Variants in MTUS1 observed in about 807,000 individuals in gnomAD.
The protein encoded by MTUS1 is microtubule-associated tumor suppressor 1.
A neutral mutation model predicts 120.8 loss-of-function variants in MTUS1; 109 were observed. That is an observed-to-expected ratio of 0.90 (90% CI 0.77 to 1.06). MTUS1 has a LOEUF of 1.06. Ranked by LOEUF, MTUS1 falls within the 50% of genes least tolerant of loss-of-function variation. The pLI is 0.00. For synonymous variants in MTUS1, 737 were observed against 550.5 expected, an observed-to-expected ratio of 1.34 and a Z score of -4.74; for missense variants, 2,210 against 1,486.3, an observed-to-expected ratio of 1.49 and a Z score of -8.01.
intron 1 of MTUS1, among the ~76,000 whole-genome samples, chr8:17,796,593 A>C (rs1251056359): frequency 6.6e-6 from 1 of 152,198 alleles, no homozygotes; most frequent in Non-Finnish European, 1.5e-5. Flanking sequence ...TTATGTATCC[A>C]CATGGCAAAG....
intron 1 of MTUS1, among the ~76,000 whole-genome samples, chr8:17,792,352 A>G (rs559942404): frequency 6.6e-6 from 1 of 152,330 alleles, no homozygotes; most frequent in South Asian, 2.1e-4. Context: ...ATATATCTAC[A>G]AGGTTATACA....
intron 1 of MTUS1, among the ~76,000 whole-genome samples, chr8:17,760,056 C>CTT (rs58249092): frequency 1.9e-3 from 180 of 95,468 alleles, no homozygotes; most frequent in African/African-American, 3.3e-3. Context: ...GATTTCTTTT[C>CTT]TTTTTTTTTT....
intron 1 of MTUS1, among the ~76,000 whole-genome samples, chr8:17,759,747 T>C (rs529764940): frequency 6.6e-6 from 1 of 151,286 alleles, no homozygotes; most frequent in East Asian, 1.9e-4. Context: ...CATGTCATTA[T>C]ACTATAAAAA....
At chr8:17,720,004 G>A (rs1585936647) in intron 4 of MTUS1, among the ~76,000 whole-genome samples, 1 of 146,882 alleles carries the variant, frequency 6.8e-6, no homozygotes, top group African/African-American at 2.5e-5. Flanking sequence ...GGAGGCTGGA[G>A]GCTAAGAAAA....
intron 7 of MTUS1, chr8:17,675,977 C>T: frequency 2.7e-6 from 1 of 377,262 alleles, no homozygotes; most frequent in East Asian, 5.0e-5. Context: ...CACACATACA[C>T]ACATACTTAC....
At chr8:17,745,750 T>C (rs530145251) in intron 2 of MTUS1, among the ~76,000 whole-genome samples, 3 of 152,358 alleles carry the variant, frequency 2.0e-5, no homozygotes, top group African/African-American at 7.2e-5. Context: ...AGCTCTTTCC[T>C]GGTTTTCCTT....
intron 6 of MTUS1, among the ~76,000 whole-genome samples, chr8:17,690,866 AAT>A (rs1215114191): frequency 2.0e-5 from 3 of 152,196 alleles, no homozygotes; most frequent in African/African-American, 4.8e-5. Context: ...TAAATACAGA[AAT>A]ATGATATTCA....
At chr8:17,651,119 G>A (rs1476351752) in intron 12 of MTUS1, among the ~76,000 whole-genome samples, 1 of 152,136 alleles carries the variant, frequency 6.6e-6, no homozygotes, top group Non-Finnish European at 1.5e-5. Context: ...GTCAGGGCAG[G>A]GACTAATACA....
At chr8:17,703,160 G>A (rs375385446) in intron 6 of MTUS1, among the ~76,000 whole-genome samples, 17 of 152,236 alleles carry the variant, frequency 1.1e-4, no homozygotes, top group Non-Finnish European at 1.9e-4. Context: ...CTGCGCGGTC[G>A]GGCAGAATAC....
At chr8:17,726,654 C>A (rs527276112) in intron 3 of MTUS1, among the ~76,000 whole-genome samples, 14 of 152,066 alleles carry the variant, frequency 9.2e-5, no homozygotes, top group Non-Finnish European at 2.1e-4. Flanking sequence ...TCTTTACATC[C>A]TTTACAATAA....
intron 8 of MTUS1, among the ~76,000 whole-genome samples, chr8:17,673,474 C>T (rs1465920509): frequency 1.2e-4 from 19 of 152,162 alleles, no homozygotes; most frequent in Non-Finnish European, 1.5e-5. Context: ...AAGTCTTTTA[C>T]AGAGTCTTGC....
intron 1 of MTUS1, among the ~76,000 whole-genome samples, chr8:17,790,403 G>A (rs1334184481): frequency 6.6e-6 from 1 of 151,154 alleles, no homozygotes; most frequent in Admixed American, 6.6e-5. Context: ...CAGCATATAA[G>A]ACCACAGACT....
At chr8:17,748,336 C>G (rs2047926125) in intron 2 of MTUS1, 1 of 152,288 alleles carries the variant, frequency 6.6e-6, no homozygotes, top group Non-Finnish European at 1.5e-5. Context: ...CTGAGAGCCA[C>G]TTTCATTGCT....
rs1362170650 is a variant in MTUS1, at chr8:17,742,288, G to GTT, written c.2287+1314_2287+1315dup. On this transcript the variant is annotated intron_variant, in intron 3 of 14. Coordinates refer to ENST00000693296, the MANE Select transcript of MTUS1 (RefSeq NM_001363059.2). ...CCAGCTGTTTTTTTTTTTTGTTGTT[G>GTT]TTGTTTTTTTTTTTTTTTTTTTTAG... Among the ~76,000 whole-genome samples, 63 of 67,580 alleles carry GTT rather than the reference G, an allele frequency of 9.3e-4. 1 individual carries two copies. Among genetic ancestry groups the GTT allele is most frequent in the Non-Finnish European group, 1.3e-3 (47 of 35,942 alleles). The allele number at this position is 67,580 out of a possible 152,430, so 44.3% of individuals were successfully genotyped here.
chr8:17,782,674 T>C (rs1233883475), intron 1 of MTUS1, among the ~76,000 whole-genome samples: 1 of 152,228 alleles, frequency 6.6e-6, no homozygotes, highest in East Asian at 1.9e-4. Context: ...CTTTTCTTTA[T>C]CCCTAACTTG....
At chr8:17,759,224 T>G (rs746986681) in intron 1 of MTUS1, among the ~76,000 whole-genome samples, 8 of 152,062 alleles carry the variant, frequency 5.3e-5, no homozygotes, top group Non-Finnish European at 1.2e-4. Context: ...ATAAATAATT[T>G]TATCACTAGT....
In MTUS1 at chr8:17,746,815, T is replaced by C. The variant is rs370988781; in HGVS notation, c.2092-3016A>G. Reference sequence around the variant, plus strand: ...AACCCTCATAATAATCCTGTGAAGTTGGTAGGTTTATTGTACCCCATTTTA... The same window carrying C: ...AACCCTCATAATAATCCTGTGAAGTCGGTAGGTTTATTGTACCCCATTTTA... On this transcript the variant is annotated intron_variant, in intron 2 of 14. Coordinates refer to ENST00000693296, the MANE Select transcript of MTUS1 (RefSeq NM_001363059.2). 1.7e-4 allele frequency among the ~76,000 whole-genome samples: 26 copies of C among 152,372 alleles called. No individual in the cohort carries two copies. In the South Asian group the frequency reaches 5.4e-3, roughly 32 times the overall value.
Position 17,785,004 on chromosome 8 carries a change from T to C in MTUS1, c.-155+16057A>G, listed in dbSNP as rs932608657. On this transcript the variant is annotated intron_variant, in intron 1 of 14. Coordinates refer to ENST00000693296, the MANE Select transcript of MTUS1 (RefSeq NM_001363059.2). ...TTCACCATGTTGGCCAGGCTGGTCT[T>C]GAACTCCTGGCCTCAAGTGATCCAC... is the stretch of plus-strand genomic sequence containing the variant. Among the ~76,000 whole-genome samples the C allele has an allele frequency of 2.0e-5, 3 of 152,024 alleles. No homozygotes were observed. The East Asian group carries it at 5.8e-4, about 29-fold the overall frequency.
Position 17,755,034 on chromosome 8 carries a change from T to C in MTUS1, c.774A>G (p.Ser258=). 1 of 1,613,972 alleles carries C rather than the reference T, an allele frequency of 6.2e-7. No homozygotes were observed. Among genetic ancestry groups the C allele is most frequent in the African/African-American group, 1.3e-5 (1 of 75,064 alleles). The change falls in exon 2 of 15, where the codon TCA becomes TCG. Residue 258 remains serine, a synonymous_variant. Coordinates refer to ENST00000693296, the MANE Select transcript of MTUS1 (RefSeq NM_001363059.2). ...AACATGCACACTGATTTCCAATATC[T>C]GAAACAAAAACCTCACTTTGCATCA... ...DVVMQSEVFV[S]DIGNQCACSS...
Sources: allele counts gnomAD v4.1 joint callset (sites outside exome capture counted in the v4.1 genomes callset), GRCh38; gene constraint gnomAD v4.1.1; transcripts MANE v1.5; gene names NCBI Gene and HGNC (gene_info 2026-07-23, HGNC 2026-07-21).